The following ABCC9 variants were observed in gnomAD, a reference collection of about 807,000 sequenced individuals.
ABCC9 encodes the protein ATP-binding cassette sub-family C member 9.
Under a neutral mutation model 188.3 loss-of-function variants are expected in ABCC9, and 95 were observed. That is an observed-to-expected ratio of 0.50 (90% CI 0.43 to 0.60). ABCC9 has a LOEUF of 0.60. Ranked by LOEUF, ABCC9 falls within the 20% of genes least tolerant of loss-of-function variation. The probability of loss-of-function intolerance (pLI) is 0.00; values close to 1 mark genes in which losing one functional copy is unlikely to be tolerated. For missense variants in ABCC9, 1,102 were observed against 1,876.3 expected, an observed-to-expected ratio of 0.59 and a Z score of 7.62; for synonymous variants, 659 against 652.7, an observed-to-expected ratio of 1.01 and a Z score of -0.15.
chr12:21,850,366 T>C (rs1240635945), intron 24 of ABCC9, among the ~76,000 whole-genome samples: 2 of 152,022 alleles, frequency 1.3e-5, no homozygotes, highest in African/African-American at 4.8e-5. Flanking sequence ...TGCAGATGAA[T>C]TCAGGTGCCT....
chr12:21,897,266 T>A (rs577594788), intron 12 of ABCC9, among the ~76,000 whole-genome samples: 1 of 152,310 alleles, frequency 6.6e-6, no homozygotes, highest in African/African-American at 2.4e-5. Flanking sequence ...TTAAGAGGGT[T>A]TTTTTTCCTC....
At position 21,852,225 on chromosome 12, in the gene ABCC9, A is replaced by C. The variant is rs779917008; in HGVS notation, c.2644-3T>G. 6.8e-6 allele frequency: 11 copies of C among 1,613,834 alleles called. No homozygotes were observed. Among genetic ancestry groups the C allele is most frequent in the Non-Finnish European group, 3.4e-6 (4 of 1,179,928 alleles). On this transcript the variant is annotated splice_region_variant and splice_polypyrimidine_tract_variant and intron_variant, in intron 23 of 39. Transcript: ENST00000261200. Reference sequence around the variant, plus strand: ...CTTCCATCTTTCATGGCTATGATCTAAGGAAAGCGGATATTCCCAGAAATG... The same window carrying C: ...CTTCCATCTTTCATGGCTATGATCTCAGGAAAGCGGATATTCCCAGAAATG...
chr12:21,818,078 C>G, intron 32 of ABCC9, 72 bp downstream of exon 32: 2 of 971,920 alleles, frequency 2.1e-6, no homozygotes, highest in African/African-American at 3.4e-5. Context: ...TCTCAACATT[C>G]AATTCCCATT....
chr12:21,916,874 C>A (rs1948620148), intron 6 of ABCC9, 63 bp downstream of exon 6: 1 of 1,447,508 alleles, frequency 6.9e-7, no homozygotes, highest in African/African-American at 1.4e-5. Flanking sequence ...TTCTAGCTAA[C>A]TGTAATCTTT....
intron 24 of ABCC9, among the ~76,000 whole-genome samples, chr12:21,850,295 CTGTT>C (rs1243187439): frequency 1.3e-5 from 2 of 152,050 alleles, no homozygotes; most frequent in East Asian, 3.9e-4. Flanking sequence ...AAACCGAAAT[CTGTT>C]TGTACAAAAA....
At chr12:21,903,511 G>A (rs1172206389) in intron 12 of ABCC9, among the ~76,000 whole-genome samples, 2 of 152,200 alleles carry the variant, frequency 1.3e-5, no homozygotes, top group African/African-American at 4.8e-5. Flanking sequence ...CAGATGACAT[G>A]ATTGTATATC....
chr12:21,834,784 TATACACACACAC>T (rs978864514), intron 30 of ABCC9, among the ~76,000 whole-genome samples: 39 of 30,310 alleles, frequency 1.3e-3, no homozygotes, highest in Non-Finnish European at 2.5e-3. Context: ...TATATAACAT[TATACACACACAC>T]ACACACACAC....
At chr12:21,838,988 C>T (rs760519972) in intron 29 of ABCC9, among the ~76,000 whole-genome samples, 11 of 152,074 alleles carry the variant, frequency 7.2e-5, no homozygotes, top group African/African-American at 2.2e-4. Context: ...ATCACTCCAC[C>T]GCACTCCAGC....
intron 3 of ABCC9, among the ~76,000 whole-genome samples, chr12:21,935,648 G>A (rs1329227628): frequency 6.6e-6 from 1 of 152,102 alleles, no homozygotes; most frequent in Non-Finnish European, 1.5e-5. Flanking sequence ...AATAGTGGTT[G>A]TCTCCTGTGA....
rs376317984 is a variant in ABCC9, at chr12:21,805,136, C to T, written c.4512+862G>A. ...GAGAGGATACTGCTAAGATAACTAC[C>T]GGAGAATGACAGACTTGGTGCAATA... On this transcript the variant is annotated intron_variant, in intron 39 of 39. Transcript: ENST00000261200. The T allele has an allele frequency of 1.9e-4, 310 of 1,613,496 alleles. 1 individual carries two copies. Among genetic ancestry groups the T allele is most frequent in the South Asian group, 7.6e-4 (69 of 91,060 alleles).
chr12:21,847,489 G>A (rs997417603), intron 25 of ABCC9, among the ~76,000 whole-genome samples: 3 of 151,858 alleles, frequency 2.0e-5, no homozygotes, highest in African/African-American at 7.3e-5. Flanking sequence ...AGAAATGCAG[G>A]CATAAGCAAA....
intron 29 of ABCC9, among the ~76,000 whole-genome samples, chr12:21,840,066 T>C (rs535302178): frequency 6.6e-6 from 1 of 152,310 alleles, no homozygotes; most frequent in East Asian, 1.9e-4. Context: ...TAAAACTGTG[T>C]TTGATAAAAC....
chr12:21,806,202 G>T (rs1941830989), intron 38 of ABCC9, 142 bp from the exon 39 acceptor site: 1 of 744,228 alleles, frequency 1.3e-6, no homozygotes, highest in East Asian at 2.7e-5. Flanking sequence ...AGAAGGGGCA[G>T]TCCCCAGCAG....
intron 4 of ABCC9, among the ~76,000 whole-genome samples, chr12:21,932,196 CAGATTATGTTCA>C (rs1234042387): frequency 6.6e-6 from 1 of 151,548 alleles, no homozygotes; most frequent in African/African-American, 2.4e-5. Context: ...ATATTTTCAC[CAGATTATGTTCA>C]AGTTTATAAA....
At position 21,864,454 on chromosome 12, in the gene ABCC9, A is replaced by G. The variant is rs146944210; in HGVS notation, c.2222T>C (p.Phe741Ser). The G allele has an allele frequency of 3.5e-5, 55 of 1,591,976 alleles. No homozygotes were observed. Among genetic ancestry groups the G allele is most frequent in the South Asian group, 3.3e-5 (3 of 90,654 alleles). Residue 741 changes from phenylalanine (F) to serine (S), a missense_variant, in exon 19 of 40, where the codon TTT (phenylalanine) becomes TCT (serine). Physicochemically the swap from Phe to Ser is radical, Grantham distance 155 (BLOSUM62 -2). Around this residue, in one of 12 missense-constraint regions of ABCC9, gnomAD observed 258 missense variants for 325.6 expected, o/e 0.79. Coordinates refer to ENST00000261200, the MANE Select transcript of ABCC9 (RefSeq NM_020297.4). Reference sequence around the variant, plus strand: ...GAAATAATACCTTCTGGTTGCTTCAAAAGAAGGCTCAGATTCATTTACACT... The same window carrying G: ...GAAATAATACCTTCTGGTTGCTTCAGAAGAAGGCTCAGATTCATTTACACT... ...WSNVNESEPS[F>S]EATRSRNRYS...
intron 18 of ABCC9, among the ~76,000 whole-genome samples, chr12:21,871,280 G>A (rs761838116): frequency 2.6e-5 from 4 of 152,128 alleles, no homozygotes; most frequent in Admixed American, 2.0e-4. Flanking sequence ...GATAGTGGCA[G>A]GGGAAACCTT....
In ABCC9 at chr12:21,917,387, T is replaced by G. The variant is rs564988473; in HGVS notation, c.407-284A>C. 4.6e-5 allele frequency among the ~76,000 whole-genome samples: 7 copies of G among 152,298 alleles called. No individual in the cohort carries two copies. The South Asian group carries it at 1.5e-3, about 32-fold the overall frequency. On this transcript the variant is annotated intron_variant, in intron 5 of 39. Transcript: ENST00000261200. ...ATAGGATAAACTAGACTCTTCAAAA[T>G]GTACGTGTAAGTCTATAAATTTTAA...
intron 3 of ABCC9, among the ~76,000 whole-genome samples, chr12:21,935,333 G>A (rs1949444557): frequency 6.6e-6 from 1 of 152,072 alleles, no homozygotes; most frequent in Admixed American, 6.6e-5. Context: ...GGCCATTCTG[G>A]TCTCAATATA....
At chr12:21,939,066 A>C (rs570792594) in intron 2 of ABCC9, among the ~76,000 whole-genome samples, 1 of 152,342 alleles carries the variant, frequency 6.6e-6, no homozygotes, top group South Asian at 2.1e-4. Context: ...TAGTCTCAGT[A>C]GCTGTGGGTA....
Sources: allele counts gnomAD v4.1 joint callset (sites outside exome capture counted in the v4.1 genomes callset), GRCh38; gene constraint gnomAD v4.1.1; regional missense constraint gnomAD v4.1.1; transcripts MANE v1.5; gene names NCBI Gene and HGNC (gene_info 2026-07-23, HGNC 2026-07-21).